LINGO1: variants seen among roughly 807,000 people sequenced by gnomAD.
The protein encoded by LINGO1 is leucine-rich repeat and immunoglobulin-like domain-containing nogo receptor-interacting protein 1.
A neutral mutation model predicts 37.3 loss-of-function variants in LINGO1; 11 were observed. That is an observed-to-expected ratio of 0.29 (90% CI 0.19 to 0.49). The LOEUF (loss-of-function observed/expected upper bound fraction) is 0.49, where lower values mean the gene tolerates loss of function less well. Among genes scored for constraint, LINGO1 ranks in the 20% least tolerant of loss-of-function variants. LINGO1 has a pLI of 0.99. For synonymous variants in LINGO1, 387 were observed against 403.0 expected, an observed-to-expected ratio of 0.96 and a Z score of 0.48; for missense variants, 585 against 878.2, an observed-to-expected ratio of 0.67 and a Z score of 4.22.
upstream of LINGO1, chr15:77,634,424 C>T (rs1410304813): frequency 4.5e-6 from 2 of 442,560 alleles, no homozygotes; most frequent in East Asian, 1.4e-4. Context: ...TCCTAGCAGG[C>T]GTCCATGCTA....
intron 1 of LINGO1, among the ~76,000 whole-genome samples, chr15:77,618,021 G>A (rs2073787986): frequency 6.6e-6 from 1 of 152,136 alleles, no homozygotes; most frequent in East Asian, 1.9e-4. Flanking sequence ...AGTCACACAC[G>A]CTCCAGTGAC....
intron 1 of LINGO1, among the ~76,000 whole-genome samples, chr15:77,616,172 C>T (rs1478113491): frequency 6.6e-6 from 1 of 152,146 alleles, no homozygotes. Flanking sequence ...CCTCAGACAG[C>T]CTGGCATTGG....
chr15:77,640,978 A>G (rs1354311827), intron 3 of LINGO1, among the ~76,000 whole-genome samples: 1 of 152,210 alleles, frequency 6.6e-6, no homozygotes, highest in Non-Finnish European at 1.5e-5. Flanking sequence ...GTGGGGCTGC[A>G]CACACACAGC....
intron 3 of LINGO1, among the ~76,000 whole-genome samples, chr15:77,675,812 AG>A (rs2075318220): frequency 6.6e-6 from 1 of 152,198 alleles, no homozygotes; most frequent in Non-Finnish European, 1.5e-5. Flanking sequence ...GTGACTCCCC[AG>A]TATTAAAGGG....
chr15:77,617,742 G>T (rs1327707974), intron 1 of LINGO1, among the ~76,000 whole-genome samples: 1 of 152,244 alleles, frequency 6.6e-6, no homozygotes, highest in Non-Finnish European at 1.5e-5. Flanking sequence ...TGGGATAGGA[G>T]CTCTGGTCTG....
intron 2 of LINGO1, among the ~76,000 whole-genome samples, chr15:77,705,206 C>CACACACACA (rs57434698): frequency 9.4e-5 from 14 of 149,066 alleles, no homozygotes; most frequent in East Asian, 3.9e-4. Flanking sequence ...CACACACACA[C>CACACACACA]CAGTCCACTT....
At chr15:77,767,921 C>T (rs777011692) in intron 1 of LINGO1, among the ~76,000 whole-genome samples, 39 of 152,130 alleles carry the variant, frequency 2.6e-4, no homozygotes, top group Admixed American at 1.3e-4. Context: ...AAAAGGAAAA[C>T]CAAAAAGCAG....
At chr15:77,712,416 C>G (rs186175141) in intron 2 of LINGO1, among the ~76,000 whole-genome samples, 2 of 152,156 alleles carry the variant, frequency 1.3e-5, no homozygotes, top group South Asian at 2.1e-4. Context: ...CCCCCCTCCC[C>G]CTAAGCAGTA....
chr15:77,672,000 G>GCCTCCT (rs10559337), intron 3 of LINGO1, among the ~76,000 whole-genome samples: 2,138 of 145,662 alleles, frequency 0.015, 90 homozygotes, highest in African/African-American at 0.053. Context: ...ATGAGCCTCT[G>GCCTCCT]CCTCCTCCTC....
At position 77,615,277 on chromosome 15, in the gene LINGO1, C is replaced by T. The variant is rs553512567; in HGVS notation, c.630G>A (p.Ala210=). ...CGATGAGGCCGTGCAGGTGGGACAG[C>T]GCCTCGGTGGGGATGGAGGTCAGGT... ...KCNLTSIPTE[A]LSHLHGLIVL... is the part of the protein sequence containing the mutation. Residue 210 remains alanine (A), a synonymous_variant, in exon 2 of 2, where the codon GCG becomes GCA. Transcript: ENST00000355300. 2.9e-5 allele frequency: 47 copies of T among 1,613,694 alleles called. No individual in the cohort carries two copies. Among genetic ancestry groups the T allele is most frequent in the African/African-American group, 6.7e-5 (5 of 74,990 alleles).
chr15:77,794,911 GAAAT>G (rs2076860865), intron 2 of LINGO1, among the ~76,000 whole-genome samples: 3 of 152,230 alleles, frequency 2.0e-5, no homozygotes, highest in African/African-American at 7.2e-5. Flanking sequence ...GCCTGGGAAG[GAAAT>G]CCAGGCCTCC....
intron 1 of LINGO1, among the ~76,000 whole-genome samples, chr15:77,621,561 G>GCAGGC (rs1030609320): frequency 5.9e-5 from 9 of 152,024 alleles, no homozygotes; most frequent in Non-Finnish European, 1.2e-4. Flanking sequence ...CTTAGACTCT[G>GCAGGC]CAGGCCAGGC....
chr15:77,766,244 G>C (rs1370194374), intron 1 of LINGO1, among the ~76,000 whole-genome samples: 1 of 139,606 alleles, frequency 7.2e-6, no homozygotes, highest in East Asian at 2.2e-4. Flanking sequence ...GCTAGAATGA[G>C]CCATGACTGC....
intron 2 of LINGO1, among the ~76,000 whole-genome samples, chr15:77,794,125 C>T (rs1430365871): frequency 1.3e-5 from 2 of 152,102 alleles, no homozygotes; most frequent in Non-Finnish European, 2.9e-5. Flanking sequence ...GCTGCTCACG[C>T]TCCTGCCCCC....
At chr15:77,704,480 T>A (rs1338407657) in intron 2 of LINGO1, among the ~76,000 whole-genome samples, 10 of 147,314 alleles carry the variant, frequency 6.8e-5, no homozygotes. Flanking sequence ...GACACTGAGC[T>A]CTGACCCTGG....
At chr15:77,687,148 C>T (rs1389734647) in intron 2 of LINGO1, among the ~76,000 whole-genome samples, 1 of 152,130 alleles carries the variant, frequency 6.6e-6, no homozygotes, top group African/African-American at 2.4e-5. Context: ...CAGTGTGAGG[C>T]TCGAATCAAG....
At position 77,615,278 on chromosome 15, in the gene LINGO1, G is replaced by A. The variant is rs955121948; in HGVS notation, c.629C>T (p.Ala210Val). 1.9e-6 allele frequency: 3 copies of A among 1,613,798 alleles called. No homozygotes were observed. The highest frequency in any genetic ancestry group is 2.2e-5 in the East Asian group (1 of 44,860). ...KCNLTSIPTE[A>V]LSHLHGLIVL... ...GATGAGGCCGTGCAGGTGGGACAGCGCCTCGGTGGGGATGGAGGTCAGGTT... is the reference window on the plus strand; with the variant it reads ...GATGAGGCCGTGCAGGTGGGACAGCACCTCGGTGGGGATGGAGGTCAGGTT... Residue 210 changes from alanine to valine, a missense_variant, in exon 2 of 2, where the codon GCG (alanine) becomes GTG (valine). This residue lies in a region of LINGO1 where 484 missense variants were observed against 735.0 expected (regional missense o/e 0.66). Coordinates refer to ENST00000355300, the MANE Select transcript of LINGO1 (RefSeq NM_032808.7).
At chr15:77,724,773 C>A (rs1205267928) in intron 2 of LINGO1, among the ~76,000 whole-genome samples, 2 of 152,202 alleles carry the variant, frequency 1.3e-5, no homozygotes, top group African/African-American at 4.8e-5. Flanking sequence ...CCTCCCTTGG[C>A]CACAGCCCAC....
At chr15:77,814,656 G>A (rs1223294441) in intron 1 of LINGO1, among the ~76,000 whole-genome samples, 1 of 152,208 alleles carries the variant, frequency 6.6e-6, no homozygotes, top group South Asian at 2.1e-4. Context: ...CATGAGGAAA[G>A]TGAGGCTCAG....
Sources: allele counts gnomAD v4.1 joint callset (sites outside exome capture counted in the v4.1 genomes callset), GRCh38; gene constraint gnomAD v4.1.1; regional missense constraint gnomAD v4.1.1; transcripts MANE v1.5; gene names NCBI Gene and HGNC (gene_info 2026-07-23, HGNC 2026-07-21).